ST18: variants seen among roughly 807,000 people sequenced by gnomAD.
The protein encoded by ST18 is ST18 C2H2C-type zinc finger transcription factor.
A neutral mutation model predicts 110.0 loss-of-function variants in ST18; 50 were observed. That is an observed-to-expected ratio of 0.45 (90% CI 0.36 to 0.58). The LOEUF is 0.58. ST18 is among the 20% of genes least tolerant of loss of function. The pLI, the probability that ST18 is intolerant of heterozygous loss-of-function variation, is 0.00. For synonymous variants in ST18, 461 were observed against 452.4 expected, an observed-to-expected ratio of 1.02 and a Z score of -0.24; for missense variants, 1,306 against 1,280.1, an observed-to-expected ratio of 1.02 and a Z score of -0.31.
At chr8:52,308,916 G>A (rs1434472150) in intron 2 of ST18, among the ~76,000 whole-genome samples, 2 of 152,244 alleles carry the variant, frequency 1.3e-5, no homozygotes, top group East Asian at 1.9e-4. Flanking sequence ...AAGTAAGCTA[G>A]TGTTCGCCAT....
chr8:52,200,775 T>C (rs749254179), intron 8 of ST18, among the ~76,000 whole-genome samples: 14 of 152,150 alleles, frequency 9.2e-5, no homozygotes, highest in Non-Finnish European at 8.8e-5. Context: ...AGATCAGACA[T>C]AGAGTCTGAA....
chr8:52,209,781 A>AT (rs2081465910), intron 8 of ST18, among the ~76,000 whole-genome samples: 4 of 138,502 alleles, frequency 2.9e-5, no homozygotes, highest in African/African-American at 8.1e-5. Flanking sequence ...AAAAAAAAAA[A>AT]AAAAAAAATA....
chr8:52,166,706 T>A lies in ST18; in HGVS notation c.1204+146A>T, dbSNP rs768469734. ...AATTTTCTATAAATACACTATATTT[T>A]AAAACCCACAGCTAGATGGAATTGG... On this transcript the variant is annotated intron_variant, in intron 11 of 25. Transcript: ENST00000689386. 9.6e-6 allele frequency: 11 copies of A among 1,140,356 alleles called. No individual in the cohort carries two copies. In the Middle Eastern group the frequency reaches 6.5e-4, roughly 68 times the overall value. 70.6% of individuals were successfully genotyped at this position (1,140,356 alleles called of 1,614,324 possible). A position where few individuals can be genotyped will look rare whatever the true frequency, so the allele number is the denominator to read the frequency against.
At chr8:52,168,548 C>A (rs1554650462) in intron 10 of ST18, among the ~76,000 whole-genome samples, 1 of 151,908 alleles carries the variant, frequency 6.6e-6, no homozygotes, top group Admixed American at 6.6e-5. Flanking sequence ...TCAGCAGAAG[C>A]GGAAGAGCCA....
chr8:52,354,744 C>A (rs1301045915), intron 2 of ST18, among the ~76,000 whole-genome samples: 1 of 151,984 alleles, frequency 6.6e-6, no homozygotes, highest in Non-Finnish European at 1.5e-5. Flanking sequence ...GTGTGGTGTC[C>A]CTGATGCCTA....
chr8:52,113,363 C>T, intron 25 of ST18, 25 bp from the exon 26 acceptor site: 1 of 1,611,626 alleles, frequency 6.2e-7, no homozygotes, highest in Non-Finnish European at 8.5e-7. Flanking sequence ...AACACATTGA[C>T]CCAATCACAG....
chr8:52,245,542 C>T (rs2137910453), intron 2 of ST18, among the ~76,000 whole-genome samples: 1 of 152,086 alleles, frequency 6.6e-6, no homozygotes, highest in South Asian at 2.1e-4. Context: ...GCTTTGTTTA[C>T]CTTTAAATCT....
At chr8:52,336,992 T>C (rs1479478456) in intron 2 of ST18, among the ~76,000 whole-genome samples, 2 of 152,220 alleles carry the variant, frequency 1.3e-5, no homozygotes, top group East Asian at 1.9e-4. Context: ...CTTCATTGTG[T>C]ATGATTTTGA....
rs2040952197 is a variant in ST18 at position 52,112,937 on chromosome 8, AAG to A, written c.*259_*260del. 7.1e-6 allele frequency: 2 copies of A among 280,496 alleles called. No individual in the cohort carries two copies. The highest frequency in any genetic ancestry group is 1.3e-5 in the Non-Finnish European group (2 of 155,038). The allele number at this position is 280,496 out of a possible 1,614,324, so 17.4% of individuals were successfully genotyped here. On this transcript the variant is annotated 3_prime_UTR_variant, in exon 26 of 26. Transcript: ENST00000689386. ...TTTACATATACTTTACAAAAAAAAAAAGAGTACAATGAAGAAATAAAAGAAAA... is the reference window on the plus strand; with the variant it reads ...TTTACATATACTTTACAAAAAAAAAAAGTACAATGAAGAAATAAAAGAAAA...
At chr8:52,310,137 T>C (rs75041066) in intron 2 of ST18, among the ~76,000 whole-genome samples, 2,611 of 152,314 alleles carry the variant, frequency 0.017, 44 homozygotes, top group Middle Eastern at 0.048. Flanking sequence ...GCTTAAAATA[T>C]GGATTATAAA....
intron 2 of ST18, among the ~76,000 whole-genome samples, chr8:52,382,084 T>A (rs891589489): frequency 1.2e-4 from 19 of 152,086 alleles, no homozygotes; most frequent in Non-Finnish European, 2.8e-4. Flanking sequence ...TAGTTAGGGA[T>A]CCTGATTTGG....
chr8:52,404,007 T>TA (rs1843637803), intron 2 of ST18: 1 of 152,204 alleles, frequency 6.6e-6, no homozygotes, highest in Admixed American at 6.5e-5. Context: ...CCATTATATC[T>TA]AAACAGCATA....
At chr8:52,285,217 T>A (rs1388233644) in intron 2 of ST18, among the ~76,000 whole-genome samples, 1 of 152,216 alleles carries the variant, frequency 6.6e-6, no homozygotes, top group Non-Finnish European at 1.5e-5. Context: ...ATCCTCATAT[T>A]CATCATTGCC....
At chr8:52,328,471 A>G (rs1807537029) in intron 2 of ST18, among the ~76,000 whole-genome samples, 1 of 152,220 alleles carries the variant, frequency 6.6e-6, no homozygotes, top group Non-Finnish European at 1.5e-5. Context: ...ACTGTTATTG[A>G]GAAATGAAAA....
At chr8:52,215,207 G>A (rs28579496) in intron 6 of ST18, among the ~76,000 whole-genome samples, 2 of 152,172 alleles carry the variant, frequency 1.3e-5, no homozygotes, top group Non-Finnish European at 2.9e-5. Flanking sequence ...CAGAGGCTGA[G>A]TTGTGATTGA....
intron 2 of ST18, among the ~76,000 whole-genome samples, chr8:52,359,573 C>T (rs1320008561): frequency 6.6e-6 from 1 of 152,046 alleles, no homozygotes; most frequent in South Asian, 2.1e-4. Context: ...TCAGAACTTT[C>T]CAATGAAACA....
chr8:52,198,822 G>T (rs1208096789), intron 8 of ST18, among the ~76,000 whole-genome samples: 1 of 152,176 alleles, frequency 6.6e-6, no homozygotes, highest in Non-Finnish European at 1.5e-5. Flanking sequence ...AAGCCTGCAA[G>T]CTCCACATAT....
intron 10 of ST18, among the ~76,000 whole-genome samples, chr8:52,169,545 T>C (rs1257226456): frequency 6.6e-6 from 1 of 152,236 alleles, no homozygotes; most frequent in Non-Finnish European, 1.5e-5. Flanking sequence ...AGTTTTCTCC[T>C]TAACAGTGAA....
chr8:52,291,936 C>A lies in ST18; in HGVS notation c.-464-61859G>T, dbSNP rs566741739. On this transcript the variant is annotated intron_variant, in intron 2 of 25. Transcript: ENST00000689386. The stretch of plus-strand genomic sequence containing the variant: ...GACCACAGGCGCGTGCCATCACACC[C>A]GGCTAATTTTTATATTTTTGTACAG... Among the ~76,000 whole-genome samples the A allele has an allele frequency of 3.3e-5, 5 of 152,134 alleles. No individual in the cohort carries two copies. The South Asian group carries it at 1.0e-3, about 32-fold the overall frequency.
Sources: gnomAD v4.1 joint callset for allele counts (sites outside exome capture counted in the v4.1 genomes callset) on GRCh38, gnomAD v4.1.1 for gene constraint, MANE v1.5 for transcripts, NCBI Gene and HGNC (gene_info 2026-07-23, HGNC 2026-07-21) for gene names.